UBE3A: variants seen among roughly 807,000 people sequenced by gnomAD.
The protein encoded by UBE3A is ubiquitin protein ligase E3A.
UBE3A carries 6 observed loss-of-function variants against 83.4 expected under a neutral mutation model. The observed-to-expected ratio is 0.07, with a 90% CI of 0.04 to 0.14. The LOEUF is 0.14. UBE3A is among the 10% of genes least tolerant of loss of function. UBE3A has a pLI of 1.00. For missense variants in UBE3A, 456 were observed against 1,036.1 expected (o/e 0.44, Z 7.69); for synonymous variants, 337 against 355.4 (o/e 0.95, Z 0.58).
intron 1 of UBE3A, among the ~76,000 whole-genome samples, chr15:25,435,345 CAT>C (rs1894755513): frequency 6.6e-6 from 1 of 152,116 alleles, no homozygotes; most frequent in African/African-American, 2.4e-5. Flanking sequence ...TAGCTCAGCT[CAT>C]AGAAGCCACA....
intron 1 of UBE3A, among the ~76,000 whole-genome samples, chr15:25,430,042 T>C: frequency 8.9e-6 from 1 of 112,900 alleles, no homozygotes; most frequent in Non-Finnish European, 1.7e-5. Context: ...TATATATATA[T>C]ATATATATTT....
At chr15:25,425,354 T>C (rs1380319404) in intron 1 of UBE3A, among the ~76,000 whole-genome samples, 1 of 152,182 alleles carries the variant, frequency 6.6e-6, no homozygotes, top group Non-Finnish European at 1.5e-5. Flanking sequence ...TTGGGGATGA[T>C]GAAAATGTTC....
intron 1 of UBE3A, among the ~76,000 whole-genome samples, chr15:25,416,573 C>T (rs1175976137): frequency 2.0e-5 from 3 of 150,458 alleles, no homozygotes; most frequent in Non-Finnish European, 4.4e-5. Context: ...TGAATGCTAG[C>T]TAAACGGGTG....
At position 25,338,857 on chromosome 15, in the gene UBE3A, G is replaced by A; in HGVS notation, c.*280C>T. 1 of 175,192 alleles carries A rather than the reference G, an allele frequency of 5.7e-6. No homozygotes were observed. Among genetic ancestry groups the A allele is most frequent in the Non-Finnish European group, 1.2e-5 (1 of 83,988 alleles). 10.9% of individuals were successfully genotyped at this position (175,192 alleles called of 1,614,324 possible). On this transcript the variant is annotated 3_prime_UTR_variant, in exon 13 of 13. Transcript: ENST00000648336. ...CAGAAAAACCTCTCTGTACATACAA[G>A]TGAAAGAATATGTAACACTTTCACG...
At chr15:25,389,844 T>C (rs2083924660) in intron 4 of UBE3A, among the ~76,000 whole-genome samples, 1 of 152,132 alleles carries the variant, frequency 6.6e-6, no homozygotes, top group African/African-American at 2.4e-5. Flanking sequence ...GCCAAGACTG[T>C]GCCACTGTAC....
At position 25,352,534 on chromosome 15, in the gene UBE3A, A is replaced by G. The variant is rs542519229; in HGVS notation, c.2354+1819T>C. 2.0e-5 allele frequency among the ~76,000 whole-genome samples: 3 copies of G among 152,356 alleles called. No individual in the cohort carries two copies. In the South Asian group the frequency reaches 6.2e-4, roughly 32 times the overall value. On this transcript the variant is annotated intron_variant, in intron 11 of 12. Coordinates refer to ENST00000648336, the MANE Select transcript of UBE3A (RefSeq NM_130839.5). ...AAGTACATTATCTTAATTTAAAATC[A>G]TTGCTAAAAATGCTAATGAAGTGAG...
rs587782917 is a variant in UBE3A at position 25,370,532 on chromosome 15, A to G, written c.1608+34T>C. 2 of 1,613,036 alleles carry G rather than the reference A, an allele frequency of 1.2e-6. No homozygotes were observed. The highest frequency in any genetic ancestry group is 1.7e-6 in the Non-Finnish European group (2 of 1,179,102). On this transcript the variant is annotated intron_variant, in intron 6 of 12. Coordinates refer to ENST00000648336, the MANE Select transcript of UBE3A (RefSeq NM_130839.5). The surrounding 1 kb of genome is among the most constrained non-coding windows in gnomAD (Gnocchi z 4.2). ...CACTGAACTGTATCATGATATCCCC[A>G]TTATTAGGTTTTTAATCTAGCAGCC...
At chr15:25,380,902 A>G (rs571300473) in intron 4 of UBE3A, among the ~76,000 whole-genome samples, 1 of 152,346 alleles carries the variant, frequency 6.6e-6, no homozygotes, top group African/African-American at 2.4e-5. Context: ...TTTAAAACAG[A>G]CAATACTTTC....
At chr15:25,401,988 G>C (rs1218850440) in intron 4 of UBE3A, among the ~76,000 whole-genome samples, 1 of 152,096 alleles carries the variant, frequency 6.6e-6, no homozygotes, top group African/African-American at 2.4e-5. Flanking sequence ...AATTCATTGA[G>C]CTTCCTTAAA....
At chr15:25,407,303 G>A in intron 3 of UBE3A, 1 of 1,031,904 alleles carries the variant, frequency 9.7e-7, no homozygotes, top group Non-Finnish European at 1.2e-6. Context: ...CAAACACGTA[G>A]GCAGCAAAAC....
In UBE3A at chr15:25,370,048, T is replaced by C. The variant is rs779070832; in HGVS notation, c.1608+518A>G. Among the ~76,000 whole-genome samples, 1 of 152,158 alleles carries C rather than the reference T, an allele frequency of 6.6e-6. No individual in the cohort carries two copies. The highest frequency in any genetic ancestry group is 1.5e-5 in the Non-Finnish European group (1 of 68,036). ...GCCGTCCACACAGGGATATTCTAAG[T>C]GGCCCAGCAGGACTCAACTCTTACT... On this transcript the variant is annotated intron_variant, in intron 6 of 12. Transcript: ENST00000648336. This position sits in a 1 kb window ranked among gnomAD's most constrained non-coding sequence, Gnocchi z 4.2.
intron 7 of UBE3A, among the ~76,000 whole-genome samples, chr15:25,359,418 C>CGTGTGTGTGTGTGTGT (rs60677664): frequency 2.9e-5 from 4 of 138,924 alleles, no homozygotes; most frequent in South Asian, 2.6e-4. Context: ...ATAAGGGATG[C>CGTGTGTGTGTGTGTGT]GTGTGTGTGT....
At chr15:25,428,130 C>A (rs755299116) in intron 1 of UBE3A, among the ~76,000 whole-genome samples, 9 of 151,914 alleles carry the variant, frequency 5.9e-5, no homozygotes, top group Non-Finnish European at 1.0e-4. Context: ...TTTATTATTG[C>A]TGAACTGTAC....
At chr15:25,386,306 A>G (rs1319316730) in intron 4 of UBE3A, among the ~76,000 whole-genome samples, 1 of 152,178 alleles carries the variant, frequency 6.6e-6, no homozygotes, top group African/African-American at 2.4e-5. Flanking sequence ...CTAGTACATC[A>G]TGTCCAAGCT....
chr15:25,341,922 T>C (rs1394572565), intron 11 of UBE3A, among the ~76,000 whole-genome samples: 4 of 152,236 alleles, frequency 2.6e-5, no homozygotes, highest in Non-Finnish European at 5.9e-5. Context: ...GCATTTTTGG[T>C]GCTGCAACAC....
At chr15:25,393,982 T>G (rs181735947) in intron 4 of UBE3A, 1 of 152,348 alleles carries the variant, frequency 6.6e-6, no homozygotes, top group African/African-American at 2.4e-5. Flanking sequence ...TACTACTCAG[T>G]GGACTTGTTC....
intron 2 of UBE3A, among the ~76,000 whole-genome samples, chr15:25,410,073 G>T (rs762787442): frequency 7.2e-5 from 11 of 152,022 alleles, no homozygotes; most frequent in Non-Finnish European, 1.6e-4. Flanking sequence ...CAGCACACCA[G>T]CATGGCACAT....
intron 4 of UBE3A, among the ~76,000 whole-genome samples, chr15:25,400,772 T>C (rs1326111710): frequency 6.6e-6 from 1 of 152,224 alleles, no homozygotes; most frequent in African/African-American, 2.4e-5. Flanking sequence ...AATGTCTTCC[T>C]TTCCTACTGG....
intron 4 of UBE3A, among the ~76,000 whole-genome samples, chr15:25,400,868 G>A (rs907549554): frequency 5.3e-5 from 8 of 152,162 alleles, no homozygotes; most frequent in African/African-American, 1.9e-4. Flanking sequence ...GGGCATTCTC[G>A]TTTTCTTCCT....
Sources: gnomAD v4.1 joint callset for allele counts (sites outside exome capture counted in the v4.1 genomes callset) on GRCh38, gnomAD v4.1.1 for gene constraint, Gnocchi (gnomAD v3.1) non-coding constraint, MANE v1.5 for transcripts, NCBI Gene and HGNC (gene_info 2026-07-23, HGNC 2026-07-21) for gene names.